MECOM: variants seen among roughly 807,000 people sequenced by gnomAD.
MECOM encodes histone-lysine N-methyltransferase MECOM.
Under a neutral mutation model 116.3 loss-of-function variants are expected in MECOM, and 13 were observed. That is an observed-to-expected ratio of 0.11 (90% CI 0.07 to 0.18). The LOEUF is 0.18. Ranked by LOEUF, MECOM falls within the 10% of genes least tolerant of loss-of-function variation. The pLI, the probability that MECOM is intolerant of heterozygous loss-of-function variation, is 1.00. For missense variants in MECOM, 1,299 were observed against 1,509.0 expected, an observed-to-expected ratio of 0.86 and a Z score of 2.31; for synonymous variants, 528 against 535.2, an observed-to-expected ratio of 0.99 and a Z score of 0.19.
chr3:169,476,700 T>G (rs926181572), intron 1 of MECOM, among the ~76,000 whole-genome samples: 3 of 151,926 alleles, frequency 2.0e-5, no homozygotes, highest in Non-Finnish European at 4.4e-5. Context: ...CCCCTTCCCT[T>G]TACATATTTT....
intron 2 of MECOM, among the ~76,000 whole-genome samples, chr3:169,188,644 G>T (rs961228460): frequency 9.9e-5 from 15 of 152,022 alleles, no homozygotes; most frequent in African/African-American, 2.4e-4. Context: ...TTTTTTGCTA[G>T]GTCTGCTGCT....
chr3:169,182,104 A>C lies in MECOM; in HGVS notation c.376-38272T>G, dbSNP rs140448098. Among the ~76,000 whole-genome samples, 812 of 152,314 alleles carry C rather than the reference A, an allele frequency of 5.3e-3. 4 individuals are homozygous for C. The highest frequency in any genetic ancestry group is 0.021 in the South Asian group (100 of 4,822). ...CTACAGCTACTTGAACTGAGTCTAA[A>C]TATTCACAGAGCTGAGATGTTTACG... On this transcript the variant is annotated intron_variant, in intron 2 of 16. Transcript: ENST00000651503.
intron 1 of MECOM, among the ~76,000 whole-genome samples, chr3:169,475,577 C>T (rs9827967): frequency 0.059 from 8,873 of 150,908 alleles, 382 homozygotes; most frequent in African/African-American, 0.12. Context: ...ACTAAAAAGT[C>T]GAAGTTTTTT....
chr3:169,169,757 G>A (rs979273123), intron 2 of MECOM, among the ~76,000 whole-genome samples: 21 of 151,602 alleles, frequency 1.4e-4, no homozygotes, highest in African/African-American at 4.9e-4. Context: ...CTTATCAGAA[G>A]TTTATTTTAA....
chr3:169,267,973 T>C (rs1560067942), intron 2 of MECOM, among the ~76,000 whole-genome samples: 2 of 152,124 alleles, frequency 1.3e-5, no homozygotes, highest in South Asian at 4.2e-4. Flanking sequence ...TGTCCCCTGA[T>C]GGCCAAGTAT....
At chr3:169,323,123 A>G (rs1185085676) in intron 2 of MECOM, among the ~76,000 whole-genome samples, 1 of 151,686 alleles carries the variant, frequency 6.6e-6, no homozygotes, top group Non-Finnish European at 1.5e-5. Flanking sequence ...CCAATCTGTT[A>G]GACCTTAGAC....
At chr3:169,249,486 C>A (rs1406450819) in intron 2 of MECOM, among the ~76,000 whole-genome samples, 2 of 152,198 alleles carry the variant, frequency 1.3e-5, no homozygotes, top group Non-Finnish European at 2.9e-5. Flanking sequence ...CTAATTCAGG[C>A]CAGTTGCATC....
chr3:169,220,572 TC>T (rs772914585), intron 2 of MECOM, among the ~76,000 whole-genome samples: 9 of 152,140 alleles, frequency 5.9e-5, no homozygotes, highest in Admixed American at 2.6e-4. Context: ...CCTCCCAGGT[TC>T]TAGCGATTCT....
At chr3:169,645,117 A>G (rs796458767) in intron 1 of MECOM, among the ~76,000 whole-genome samples, 1 of 152,326 alleles carries the variant, frequency 6.6e-6, no homozygotes, top group South Asian at 2.1e-4. Flanking sequence ...CTGTCCAACA[A>G]CAACAAATGA....
intron 2 of MECOM, among the ~76,000 whole-genome samples, chr3:169,345,464 T>C (rs1725190485): frequency 6.6e-6 from 1 of 152,158 alleles, no homozygotes; most frequent in South Asian, 2.1e-4. Context: ...CCACAAATAT[T>C]GCTGCAATAG....
At chr3:169,221,312 A>G (rs79831691) in intron 2 of MECOM, among the ~76,000 whole-genome samples, 1 of 152,234 alleles carries the variant, frequency 6.6e-6, no homozygotes, top group East Asian at 1.9e-4. Context: ...CTAACATTAG[A>G]TAACAGTCAT....
At chr3:169,567,394 G>A (rs908425070) in intron 1 of MECOM, among the ~76,000 whole-genome samples, 14 of 152,154 alleles carry the variant, frequency 9.2e-5, no homozygotes, top group Non-Finnish European at 1.6e-4. Context: ...GATTCCGACT[G>A]AAGACTCTTT....
intron 1 of MECOM, among the ~76,000 whole-genome samples, chr3:169,492,636 G>T (rs546575854): frequency 6.6e-6 from 1 of 152,192 alleles, no homozygotes; most frequent in East Asian, 1.9e-4. Context: ...TGTTATTAAA[G>T]AAATAGTAAT....
At chr3:169,279,157 G>T (rs1417857818) in intron 2 of MECOM, among the ~76,000 whole-genome samples, 1 of 152,148 alleles carries the variant, frequency 6.6e-6, no homozygotes, top group African/African-American at 2.4e-5. Context: ...AATTAGGCAG[G>T]AGCTTTGCTC....
At chr3:169,644,839 A>C (rs1773958462) in intron 1 of MECOM, among the ~76,000 whole-genome samples, 1 of 152,246 alleles carries the variant, frequency 6.6e-6, no homozygotes, top group Non-Finnish European at 1.5e-5. Flanking sequence ...TGAAACAAGC[A>C]GTTAAAACTA....
chr3:169,651,789 AAAAAG>A (rs1235275854), intron 1 of MECOM, among the ~76,000 whole-genome samples: 10 of 152,210 alleles, frequency 6.6e-5, no homozygotes, highest in Non-Finnish European at 1.0e-4. Flanking sequence ...GAAGAAGAAA[AAAAAG>A]AAAAGGCAAT....
chr3:169,462,291 C>T (rs774562266), intron 1 of MECOM, among the ~76,000 whole-genome samples: 12 of 152,108 alleles, frequency 7.9e-5, no homozygotes, highest in Non-Finnish European at 1.5e-4. Context: ...TATTCTTACA[C>T]CAAAAGACTA....
intron 2 of MECOM, among the ~76,000 whole-genome samples, chr3:169,187,951 G>A (rs1260379758): frequency 6.6e-6 from 1 of 152,000 alleles, no homozygotes; most frequent in Non-Finnish European, 1.5e-5. Context: ...TCTATCATTT[G>A]CTTCCCTCTG....
At position 169,502,558 on chromosome 3, in the gene MECOM, G is replaced by A. The variant is rs555640126; in HGVS notation, c.38-121034C>T. Among the ~76,000 whole-genome samples the A allele has an allele frequency of 5.3e-5, 8 of 152,192 alleles. No individual in the cohort carries two copies. In the South Asian group the frequency reaches 1.7e-3, roughly 32 times the overall value. On this transcript the variant is annotated intron_variant, in intron 1 of 16. Coordinates refer to ENST00000651503, the MANE Select transcript of MECOM (RefSeq NM_004991.4). The stretch of plus-strand genomic sequence containing the variant: ...CCTTTTACACATCAAATGCATAAAT[G>A]TTAAGTAATTACCCAGAGTTGCTCA...
Sources: allele counts gnomAD v4.1 joint callset (sites outside exome capture counted in the v4.1 genomes callset), GRCh38; gene constraint gnomAD v4.1.1; transcripts MANE v1.5; gene names NCBI Gene and HGNC (gene_info 2026-07-23, HGNC 2026-07-21).